CNNM3: variants seen among roughly 807,000 people sequenced by gnomAD.
CNNM3 encodes cyclin and CBS domain divalent metal cation transport mediator 3.
Under a neutral mutation model 57.1 loss-of-function variants are expected in CNNM3, and 47 were observed. The observed-to-expected ratio is 0.82, with a 90% CI of 0.65 to 1.05. The LOEUF is 1.05. Ranked by LOEUF, CNNM3 falls within the 50% of genes least tolerant of loss-of-function variation. The pLI is 0.00. For missense variants in CNNM3, 957 were observed against 973.7 expected (o/e 0.98, Z 0.23); for synonymous variants, 507 against 478.2 (o/e 1.06, Z -0.79).
intron 2 of CNNM3, among the ~76,000 whole-genome samples, chr2:96,826,109 A>G (rs2079499770): frequency 6.6e-6 from 1 of 152,244 alleles, no homozygotes; most frequent in Non-Finnish European, 1.5e-5. Flanking sequence ...TGCCATAGGC[A>G]TGGGGTCTCC....
At chr2:96,818,305 G>T (rs2079355727) in intron 1 of CNNM3, among the ~76,000 whole-genome samples, 1 of 151,326 alleles carries the variant, frequency 6.6e-6, no homozygotes, top group Admixed American at 6.6e-5. Flanking sequence ...AGCTGGTCTT[G>T]AACTCCTGAC....
At position 96,826,925 on chromosome 2, in the gene CNNM3, T is replaced by C. The variant is rs2079516579; in HGVS notation, c.1462T>C (p.Tyr488His). The change falls in exon 3 of 8, where the codon TAT (tyrosine) becomes CAT (histidine). Residue 488 changes from tyrosine (Y) to histidine (H), a missense_variant. Physicochemically the swap from Tyr to His is moderately conservative, Grantham distance 83. Transcript: ENST00000305510. ...FSLFKVSDDEYKVTISPQLLL... is the reference protein window; with the variant it reads ...FSLFKVSDDEHKVTISPQLLL... ...CTTGTTCAAGGTGTCTGATGATGAA[T>C]ATAAAGTAACAATCTCGCCTCAGCT... 6.2e-7 allele frequency: 1 copy of C among 1,614,084 alleles called. No individual in the cohort carries two copies. Among genetic ancestry groups the C allele is most frequent in the South Asian group, 1.1e-5 (1 of 91,090 alleles).
At position 96,824,837 on chromosome 2, in the gene CNNM3, G is replaced by A. The variant is rs1376285958; in HGVS notation, c.1226-221G>A. 3 of 574,200 alleles carry A rather than the reference G, an allele frequency of 5.2e-6. No individual in the cohort carries two copies. In the Admixed American group the frequency reaches 9.3e-5, roughly 18 times the overall value. 35.6% of individuals were successfully genotyped at this position (574,200 alleles called of 1,614,324 possible). A position where few individuals can be genotyped will look rare whatever the true frequency, so the allele number is the denominator to read the frequency against. On this transcript the variant is annotated intron_variant, in intron 1 of 7. Coordinates refer to ENST00000305510, the MANE Select transcript of CNNM3 (RefSeq NM_017623.5). ...TGGGGGGCCTTGTGCAGATGGGCAT[G>A]AGCCCACTGCTTCATTTTCAACCTG...
chr2:96,817,513 G>C lies in CNNM3; in HGVS notation c.1225+11G>C, dbSNP rs1559006202. On this transcript the variant is annotated intron_variant, in intron 1 of 7. Transcript: ENST00000305510. Reference sequence around the variant, plus strand: ...AGGAATTCAAGCGAGGTAACGGCCCGGGCATGGTGCAGGGGACGCCCGTGC... The same window carrying C: ...AGGAATTCAAGCGAGGTAACGGCCCCGGCATGGTGCAGGGGACGCCCGTGC... 1.9e-6 allele frequency: 3 copies of C among 1,605,146 alleles called. No homozygotes were observed. The highest frequency in any genetic ancestry group is 1.7e-4 in the Middle Eastern group (1 of 6,028).
At chr2:96,825,241 T>C (rs2153354765) in intron 2 of CNNM3, 40 bp downstream of exon 2, 1 of 1,608,242 alleles carries the variant, frequency 6.2e-7, no homozygotes, top group South Asian at 1.1e-5. Context: ...CCGCTGGGCC[T>C]GCACACTTCC....
In CNNM3 at chr2:96,816,520, G is replaced by A. The variant is rs940519002; in HGVS notation, c.243G>A (p.Pro81=). 10 of 1,386,322 alleles carry A rather than the reference G, an allele frequency of 7.2e-6. No homozygotes were observed. In the African/African-American group the frequency reaches 7.6e-5, roughly 10 times the overall value. The allele number at this position is 1,386,322 out of a possible 1,614,324, so 85.9% of individuals were successfully genotyped here. A position where few individuals can be genotyped will look rare whatever the true frequency, so the allele number is the denominator to read the frequency against. The change falls in exon 1 of 8, where the codon CCG becomes CCA. Residue 81 remains proline (P), a synonymous_variant. Coordinates refer to ENST00000305510, the MANE Select transcript of CNNM3 (RefSeq NM_017623.5). Reference sequence around the variant, plus strand: ...ACAGCTCTTGGTCCTGGGTGGCCCCGGAGGGGGCGGGCTGCCGGGAGGAGG... The same window carrying A: ...ACAGCTCTTGGTCCTGGGTGGCCCCAGAGGGGGCGGGCTGCCGGGAGGAGG... ...FANSSWSWVA[P]EGAGCREEAA...
At chr2:96,831,282 G>A (rs538736026) in intron 7 of CNNM3, among the ~76,000 whole-genome samples, 5 of 152,224 alleles carry the variant, frequency 3.3e-5, no homozygotes, top group African/African-American at 9.6e-5. Context: ...ATTTTGTCCC[G>A]TGAGCTTGGC....
intron 2 of CNNM3, among the ~76,000 whole-genome samples, chr2:96,825,553 G>T (rs1207169168): frequency 6.6e-6 from 1 of 152,128 alleles, no homozygotes; most frequent in Non-Finnish European, 1.5e-5. Context: ...TGTTTTTGCA[G>T]GTTCTTTTGT....
At position 96,830,858 on chromosome 2, in the gene CNNM3, TG is replaced by T. The variant is rs576158278; in HGVS notation, c.2060-1692del. 5.8e-3 allele frequency among the ~76,000 whole-genome samples: 889 copies of T among 152,304 alleles called. 5 individuals are homozygous for T. The Middle Eastern group carries it at 0.075, about 13-fold the overall frequency. On this transcript the variant is annotated intron_variant, in intron 7 of 7. Transcript: ENST00000305510. Reference sequence around the variant, plus strand: ...AGGCTTCTGTGCTTACCCACTGTGATGGTTTCTTATTGTATGGGGTGCCCCT... The same window carrying T: ...AGGCTTCTGTGCTTACCCACTGTGATGTTTCTTATTGTATGGGGTGCCCCT...
intron 1 of CNNM3, 32 bp downstream of exon 1, chr2:96,817,534 C>T (rs1470514988): frequency 6.4e-7 from 1 of 1,572,870 alleles, no homozygotes; most frequent in African/African-American, 1.3e-5. Context: ...AGGGGACGCC[C>T]GTGCGAGTGC....
rs932759937 is a variant in CNNM3 at position 96,824,969 on chromosome 2, C to T, written c.1226-89C>T. 87 of 1,463,390 alleles carry T rather than the reference C, an allele frequency of 5.9e-5. No individual in the cohort carries two copies. The Admixed American group carries it at 8.8e-4, about 15-fold the overall frequency. The allele number at this position is 1,463,390 out of a possible 1,614,324, so 90.7% of individuals were successfully genotyped here. A position where few individuals can be genotyped will look rare whatever the true frequency, so the allele number is the denominator to read the frequency against. On this transcript the variant is annotated intron_variant, in intron 1 of 7. Transcript: ENST00000305510. ...ACGTTGTAGGAGCATGAACGTTAGC[C>T]GTGTCCTTTTGGTGGGCCTATACCA...
At chr2:96,827,585 T>G in intron 3 of CNNM3, 146 bp from the exon 4 acceptor site, 1 of 691,550 alleles carries the variant, frequency 1.4e-6, no homozygotes, top group Non-Finnish European at 2.4e-6. Flanking sequence ...AGTTCTCTTG[T>G]GTTGAGGTGT....
rs758920318 is a variant in CNNM3, at chr2:96,832,637, G to A, written c.*21G>A. 6 of 1,612,388 alleles carry A rather than the reference G, an allele frequency of 3.7e-6. No individual in the cohort carries two copies. The highest frequency in any genetic ancestry group is 1.3e-5 in the African/African-American group (1 of 75,074). The stretch of plus-strand genomic sequence containing the variant: ...TTTAACGGCTCACTAGGCAGCCCCA[G>A]ATCTGGGGAACAGATGAGCACGTGG... On this transcript the variant is annotated 3_prime_UTR_variant, in exon 8 of 8. Coordinates refer to ENST00000305510, the MANE Select transcript of CNNM3 (RefSeq NM_017623.5).
downstream of CNNM3, among the ~76,000 whole-genome samples, chr2:96,836,088 C>CCTT (rs1553484522): frequency 2.8e-5 from 4 of 143,552 alleles, no homozygotes; most frequent in African/African-American, 8.1e-5. Context: ...CCCTCCCCCC[C>CCTT]TTTTTTTTTT....
rs900491176 is a variant in CNNM3, at chr2:96,833,915, T to G, written c.*1299T>G. 6.6e-6 allele frequency: 1 copy of G among 152,152 alleles called. No homozygotes were observed. The highest frequency in any genetic ancestry group is 1.5e-5 in the Non-Finnish European group (1 of 68,056). 9.4% of individuals were successfully genotyped at this position (152,152 alleles called of 1,614,324 possible). A position where few individuals can be genotyped will look rare whatever the true frequency, so the allele number is the denominator to read the frequency against. On this transcript the variant is annotated 3_prime_UTR_variant, in exon 8 of 8. Coordinates refer to ENST00000305510, the MANE Select transcript of CNNM3 (RefSeq NM_017623.5). Reference sequence around the variant, plus strand: ...CTTTAAAATCCTCTCTCCAGAACAGTGGTTTTTTGTTTGTTTATTTGAGAT... The same window carrying G: ...CTTTAAAATCCTCTCTCCAGAACAGGGGTTTTTTGTTTGTTTATTTGAGAT...
intron 1 of CNNM3, among the ~76,000 whole-genome samples, chr2:96,820,368 T>C (rs1211580292): frequency 6.6e-6 from 1 of 152,156 alleles, no homozygotes; most frequent in African/African-American, 2.4e-5. Flanking sequence ...CCATTGAATT[T>C]GTGTCTGTGC....
chr2:96,835,428 G>A (rs1317267647), downstream of CNNM3, among the ~76,000 whole-genome samples: 1 of 151,254 alleles, frequency 6.6e-6, no homozygotes, highest in Non-Finnish European at 1.5e-5. Context: ...TAAATGCTTG[G>A]TCATAGGGTT....
At position 96,835,164 on chromosome 2, in the gene CNNM3, T is replaced by C. The variant is rs991461595; in HGVS notation, c.*2548T>C. On this transcript the variant is annotated 3_prime_UTR_variant, in exon 8 of 8. Coordinates refer to ENST00000305510, the MANE Select transcript of CNNM3 (RefSeq NM_017623.5). Reference sequence around the variant, plus strand: ...TCTTCTTATTTTGTCATTTCAAGAATGTTGTATAAATGGGAGCATAGTGTG... The same window carrying C: ...TCTTCTTATTTTGTCATTTCAAGAACGTTGTATAAATGGGAGCATAGTGTG... 7.9e-5 allele frequency among the ~76,000 whole-genome samples: 12 copies of C among 152,318 alleles called. No homozygotes were observed. The highest frequency in any genetic ancestry group is 2.9e-4 in the African/African-American group (12 of 41,582).
chr2:96,832,269 G>A (rs905420383), intron 7 of CNNM3: 8 of 985,280 alleles, frequency 8.1e-6, no homozygotes, highest in African/African-American at 5.2e-5. Flanking sequence ...TTCCAGCACA[G>A]GGTGCTGTAT....
Sources: allele counts gnomAD v4.1 joint callset (sites outside exome capture counted in the v4.1 genomes callset), GRCh38; gene constraint gnomAD v4.1.1; transcripts MANE v1.5; gene names NCBI Gene and HGNC (gene_info 2026-07-23, HGNC 2026-07-21).